The following ASZ1 variants were observed in gnomAD, a reference collection of about 807,000 sequenced individuals.
ASZ1 encodes the protein ankyrin repeat, SAM and basic leucine zipper domain containing 1, also known as ankyrin repeat, SAM and basic leucine zipper domain-containing protein 1.
In ASZ1, 67 loss-of-function variants were observed where a neutral mutation model predicts 61.8. The observed-to-expected ratio is 1.08, with a 90% CI of 0.89 to 1.33. The LOEUF (loss-of-function observed/expected upper bound fraction) is 1.33. Among genes scored for constraint, ASZ1 ranks in the 40% most tolerant of loss-of-function variants. The probability of loss-of-function intolerance (pLI) is 0.00; values close to 1 mark genes in which losing one functional copy is unlikely to be tolerated. For synonymous variants in ASZ1, 193 were observed against 192.7 expected, an observed-to-expected ratio of 1.00 and a Z score of -0.01; for missense variants, 577 against 554.5, an observed-to-expected ratio of 1.04 and a Z score of -0.41.
intron 4 of ASZ1, among the ~76,000 whole-genome samples, chr7:117,419,585 T>TA (rs1478869446): frequency 1.3e-5 from 2 of 152,176 alleles, no homozygotes; most frequent in East Asian, 3.8e-4. Flanking sequence ...AAATAGAAGA[T>TA]AGAGTCAGAA....
rs536187796 is a variant in ASZ1 at position 117,369,702 on chromosome 7, G to A, written c.1056-985C>T. Among the ~76,000 whole-genome samples the A allele has an allele frequency of 5.3e-5, 8 of 152,292 alleles. No individual in the cohort carries two copies. The South Asian group carries it at 1.0e-3, about 20-fold the overall frequency. On this transcript the variant is annotated intron_variant, in intron 10 of 12. Coordinates refer to ENST00000284629, the MANE Select transcript of ASZ1 (RefSeq NM_130768.3). Reference sequence around the variant, plus strand: ...GATTGTACGTAATGGAAGAATCTACGATGATTCTCAGTTTTTTTGGTTTCC... The same window carrying A: ...GATTGTACGTAATGGAAGAATCTACAATGATTCTCAGTTTTTTTGGTTTCC...
intron 10 of ASZ1, among the ~76,000 whole-genome samples, chr7:117,375,467 TA>T (rs1166916772): frequency 6.6e-6 from 1 of 152,086 alleles, no homozygotes; most frequent in African/African-American, 2.4e-5. Flanking sequence ...TATAGAAATA[TA>T]GTTAATCTTA....
chr7:117,416,656 G>T (rs1021210275), intron 4 of ASZ1, among the ~76,000 whole-genome samples: 1 of 152,166 alleles, frequency 6.6e-6, no homozygotes, highest in African/African-American at 2.4e-5. Flanking sequence ...GAACTTTCTG[G>T]AGTGATAGAA....
At chr7:117,369,854 G>T (rs904199588) in intron 10 of ASZ1, among the ~76,000 whole-genome samples, 6 of 152,184 alleles carry the variant, frequency 3.9e-5, no homozygotes. Context: ...GAGTCAATGT[G>T]AGTTTGGATT....
chr7:117,367,672 G>C (rs1795969119), intron 11 of ASZ1: 2 of 1,029,338 alleles, frequency 1.9e-6, no homozygotes, highest in East Asian at 8.7e-5. Flanking sequence ...CTGAATATAT[G>C]TATATATAAC....
chr7:117,403,965 C>A (rs1486882546), intron 4 of ASZ1, among the ~76,000 whole-genome samples: 1 of 152,180 alleles, frequency 6.6e-6, no homozygotes, highest in Non-Finnish European at 1.5e-5. Context: ...TGATGAGAAT[C>A]TAACGCCTGA....
intron 12 of ASZ1, among the ~76,000 whole-genome samples, chr7:117,367,091 C>T (rs1795955860): frequency 6.6e-6 from 1 of 152,114 alleles, no homozygotes; most frequent in South Asian, 2.1e-4. Flanking sequence ...TTGGTGAACT[C>T]TAAGTAGAAA....
At chr7:117,423,065 G>C (rs1459835406) in intron 2 of ASZ1, among the ~76,000 whole-genome samples, 2 of 152,162 alleles carry the variant, frequency 1.3e-5, no homozygotes, top group Non-Finnish European at 2.9e-5. Flanking sequence ...CAAAGGCAGG[G>C]TCATCAGAAT....
Position 117,420,291 on chromosome 7 carries a change from A to C in ASZ1, c.329-17T>G, listed in dbSNP as rs1349684379. The C allele has an allele frequency of 1.3e-6, 2 of 1,581,108 alleles. No individual in the cohort carries two copies. Among genetic ancestry groups the C allele is most frequent in the East Asian group, 4.5e-5 (2 of 44,628 alleles). ...TTTGCTTATCTATAGTGAATAGAAA[A>C]GTGAGGAAAAATCCCCATACATCAA... On this transcript the variant is annotated splice_polypyrimidine_tract_variant and intron_variant, in intron 3 of 12. Transcript: ENST00000284629.
rs1796317268 is a variant in ASZ1, at chr7:117,384,816, CA to C, written c.596del (p.Leu199Ter). On this transcript the variant is annotated frameshift_variant, in exon 6 of 13. Transcript: ENST00000284629. LOFTEE classifies it high-confidence loss of function. ...AARQGHKNIV[L>X]KLLELGANKM... ...TATTAGCTCCAAGTTCAAGCAACTT[CA>C]AAACTATATTTTTATGACCCTGACG... is the stretch of plus-strand genomic sequence containing the variant. 1 of 1,608,744 alleles carries C rather than the reference CA, an allele frequency of 6.2e-7. No individual in the cohort carries two copies. Among genetic ancestry groups the C allele is most frequent in the South Asian group, 1.1e-5 (1 of 90,032 alleles).
intron 10 of ASZ1, among the ~76,000 whole-genome samples, chr7:117,378,924 T>A (rs1186228480): frequency 6.6e-6 from 1 of 151,560 alleles, no homozygotes; most frequent in African/African-American, 2.4e-5. Flanking sequence ...TTGAAAAAAG[T>A]TAATCTCAAA....
intron 12 of ASZ1, among the ~76,000 whole-genome samples, chr7:117,365,971 G>C (rs1795928963): frequency 6.6e-6 from 1 of 152,192 alleles, no homozygotes; most frequent in African/African-American, 2.4e-5. Context: ...CACTTTAAAA[G>C]ACTCCTTTTG....
chr7:117,422,527 T>C (rs1584745455), intron 2 of ASZ1, among the ~76,000 whole-genome samples, 168 bp from the exon 3 acceptor site: 1 of 152,240 alleles, frequency 6.6e-6, no homozygotes, highest in South Asian at 2.1e-4. Context: ...TATTGGGACA[T>C]TAACACAATT....
chr7:117,421,420 G>A (rs1797098221), intron 3 of ASZ1, among the ~76,000 whole-genome samples: 1 of 152,070 alleles, frequency 6.6e-6, no homozygotes, highest in African/African-American at 2.4e-5. Context: ...TCACTATGTT[G>A]TCCAGGCTGA....
At chr7:117,387,810 G>GC (rs1443956735) in intron 4 of ASZ1, among the ~76,000 whole-genome samples, 2 of 152,164 alleles carry the variant, frequency 1.3e-5, no homozygotes, top group African/African-American at 4.8e-5. Context: ...CAGGAACTGT[G>GC]CAAGTGCTCT....
At chr7:117,375,107 A>G (rs1796113850) in intron 10 of ASZ1, among the ~76,000 whole-genome samples, 2 of 152,050 alleles carry the variant, frequency 1.3e-5, no homozygotes, top group African/African-American at 4.8e-5. Context: ...AAGTGACATA[A>G]TTTCAAAATT....
At chr7:117,390,178 G>GTT (rs200159371) in intron 4 of ASZ1, among the ~76,000 whole-genome samples, 133 of 104,254 alleles carry the variant, frequency 1.3e-3, no homozygotes, top group Non-Finnish European at 1.6e-3. Context: ...TAACAGTGGG[G>GTT]GTTTTTTTTT....
intron 10 of ASZ1, among the ~76,000 whole-genome samples, chr7:117,378,969 T>G (rs1261492567): frequency 6.6e-6 from 1 of 151,328 alleles, no homozygotes; most frequent in Non-Finnish European, 1.5e-5. Flanking sequence ...TTATATAATA[T>G]TCATGAAATA....
intron 2 of ASZ1, among the ~76,000 whole-genome samples, chr7:117,426,154 G>A (rs1240831307): frequency 1.3e-5 from 2 of 151,862 alleles, no homozygotes; most frequent in Non-Finnish European, 2.9e-5. Context: ...AAACTGTAAC[G>A]AGAAAGAACT....
Sources: gnomAD v4.1 joint callset for allele counts (sites outside exome capture counted in the v4.1 genomes callset) on GRCh38, gnomAD v4.1.1 for gene constraint, MANE v1.5 for transcripts, NCBI Gene and HGNC (gene_info 2026-07-23, HGNC 2026-07-21) for gene names.